Variants in IFTAP observed in about 807,000 individuals in gnomAD.
The protein encoded by IFTAP is intraflagellar transport associated protein.
IFTAP carries 19 observed loss-of-function variants against 19.4 expected under a neutral mutation model. The ratio of observed to expected loss-of-function variants is 0.98; its 90% CI spans 0.68 to 1.44. IFTAP has a LOEUF of 1.44. Ranked by LOEUF, IFTAP falls within the 40% of genes most tolerant of loss-of-function variation. IFTAP has a pLI of 0.00. For synonymous variants in IFTAP, 85 were observed against 83.5 expected (o/e 1.02, Z -0.10); for missense variants, 240 against 253.6 (o/e 0.95, Z 0.36).
rs377350790 is a variant in IFTAP, at chr11:36,648,016, A to T, written c.359A>T (p.Asp120Val). Reference protein sequence around the residue: ...DEEIKPQMSEDLLLLPGEVEQ... With the variant: ...DEEIKPQMSEVLLLLPGEVEQ... ...AGTTGAAATGTTTTGTATCCAACAG[A>T]TTTGCTGCTGCTTCCAGGAGAAGTG... The change falls in exon 5 of 6, where the codon GAT becomes GTT. Residue 120 changes from aspartate (D) to valine (V), a missense_variant and splice_region_variant. Asp to Val is a radical substitution (Grantham distance 152). Coordinates refer to ENST00000334307, the MANE Select transcript of IFTAP (RefSeq NM_138787.4). 2 of 1,612,250 alleles carry T rather than the reference A, an allele frequency of 1.2e-6. No individual in the cohort carries two copies. Among genetic ancestry groups the T allele is most frequent in the Non-Finnish European group, 1.7e-6 (2 of 1,179,082 alleles).
At position 36,658,890 on chromosome 11, in the gene IFTAP, C is replaced by T. The variant is rs192113378; in HGVS notation, c.499-129C>T. On this transcript the variant is annotated intron_variant, in intron 5 of 5. Transcript: ENST00000334307. ...AATTTATTTCTTTACTTAAAAACAG[C>T]TTAATCAGCTGAGAGTGCTGAAGTC... The T allele has an allele frequency of 8.4e-4, 516 of 615,630 alleles. No homozygotes were observed. The African/African-American group carries it at 8.7e-3, about 10-fold the overall frequency. 38.1% of individuals were successfully genotyped at this position (615,630 alleles called of 1,614,324 possible). A position where few individuals can be genotyped will look rare whatever the true frequency, so the allele number is the denominator to read the frequency against.
chr11:36,648,661 G>A (rs546774580), intron 5 of IFTAP, among the ~76,000 whole-genome samples: 1 of 152,274 alleles, frequency 6.6e-6, no homozygotes, highest in Admixed American at 6.5e-5. Context: ...CAGGGACCCA[G>A]GTTCCTTCTT....
rs780141498 is a variant in IFTAP at position 36,659,177 on chromosome 11, C to A, written c.657C>A (p.Ser219=). The A allele has an allele frequency of 6.4e-7, 1 of 1,574,644 alleles. No individual in the cohort carries two copies. The highest frequency in any genetic ancestry group is 8.6e-7 in the Non-Finnish European group (1 of 1,165,046). Residue 219 remains serine, a synonymous_variant, in exon 6 of 6, where the codon TCC becomes TCA. Coordinates refer to ENST00000334307, the MANE Select transcript of IFTAP (RefSeq NM_138787.4). The part of the protein sequence containing the change: ...RKDTSPDLEK[S]CD ...ACACCAGCCCAGACTTAGAGAAATC[C>A]TGTGACTGATTCACAGAGGCATTTT...
At chr11:36,625,520 C>G (rs1393558162) in intron 2 of IFTAP, among the ~76,000 whole-genome samples, 1 of 152,102 alleles carries the variant, frequency 6.6e-6, no homozygotes, top group East Asian at 1.9e-4. Context: ...CTGGTATTCA[C>G]TTGTATGGAT....
intron 2 of IFTAP, among the ~76,000 whole-genome samples, chr11:36,632,223 C>A (rs1360835814): frequency 6.6e-6 from 1 of 151,124 alleles, no homozygotes. Flanking sequence ...TCATGAGATG[C>A]TCACAAAAGA....
intron 1 of IFTAP, among the ~76,000 whole-genome samples, chr11:36,604,151 C>T (rs149079317): frequency 1.3e-5 from 2 of 152,250 alleles, no homozygotes; most frequent in African/African-American, 2.4e-5. Flanking sequence ...CTGCATGGAA[C>T]GCAATTCATC....
intron 2 of IFTAP, among the ~76,000 whole-genome samples, chr11:36,618,645 C>G (rs1280178695): frequency 6.6e-6 from 1 of 151,888 alleles, no homozygotes; most frequent in Non-Finnish European, 1.5e-5. Context: ...TAGGTACAAG[C>G]CTGAGGAACA....
intron 4 of IFTAP, among the ~76,000 whole-genome samples, chr11:36,645,024 T>A (rs1457245522): frequency 6.6e-6 from 1 of 151,468 alleles, no homozygotes. Flanking sequence ...AATAAAGAAG[T>A]GATCTGGACG....
intron 5 of IFTAP, among the ~76,000 whole-genome samples, chr11:36,656,568 T>TA (rs202140471): frequency 3.6e-4 from 54 of 148,200 alleles, no homozygotes; most frequent in Middle Eastern, 3.4e-3. Flanking sequence ...AGTCTCTGTT[T>TA]AAAAAAAAAA....
At chr11:36,622,043 C>A (rs1415615486) in intron 2 of IFTAP, among the ~76,000 whole-genome samples, 2 of 149,238 alleles carry the variant, frequency 1.3e-5, no homozygotes, top group Non-Finnish European at 3.0e-5. Context: ...AGTGGATTTT[C>A]AGACTTTTTC....
intron 5 of IFTAP, among the ~76,000 whole-genome samples, chr11:36,648,704 C>T (rs1317144541): frequency 6.6e-6 from 1 of 152,044 alleles, no homozygotes; most frequent in Non-Finnish European, 1.5e-5. Context: ...GGACATTGTC[C>T]TCACCTGCGT....
At chr11:36,652,018 T>A (rs545695180) in intron 5 of IFTAP, among the ~76,000 whole-genome samples, 75 of 152,344 alleles carry the variant, frequency 4.9e-4, no homozygotes, top group African/African-American at 1.7e-3. Flanking sequence ...TGGCTTAGGA[T>A]TGTCTTGGCA....
intron 2 of IFTAP, among the ~76,000 whole-genome samples, 198 bp from the exon 3 acceptor site, chr11:36,633,086 G>A (rs117243401): frequency 0.012 from 1,819 of 151,288 alleles, 25 homozygotes; most frequent in East Asian, 0.031. Context: ...TATATGTTGA[G>A]TGACATAATG....
At chr11:36,617,635 TG>T (rs773212206) in intron 2 of IFTAP, among the ~76,000 whole-genome samples, 3 of 151,992 alleles carry the variant, frequency 2.0e-5, no homozygotes, top group Non-Finnish European at 4.4e-5. Flanking sequence ...GCTTAAAGTG[TG>T]TTTCTGTTTC....
chr11:36,653,042 T>C (rs904541944), intron 5 of IFTAP, among the ~76,000 whole-genome samples: 1 of 152,080 alleles, frequency 6.6e-6, no homozygotes, highest in Non-Finnish European at 1.5e-5. Flanking sequence ...GAAACTTGTG[T>C]GGTATTTTAA....
chr11:36,608,122 T>G (rs1851758324), intron 1 of IFTAP, among the ~76,000 whole-genome samples: 1 of 152,198 alleles, frequency 6.6e-6, no homozygotes, highest in South Asian at 2.1e-4. Context: ...AAATTAAAGC[T>G]GTAAAGAATA....
chr11:36,594,726 G>A (rs925815482), intron 1 of IFTAP, 134 bp downstream of exon 1: 2 of 158,066 alleles, frequency 1.3e-5, no homozygotes, highest in African/African-American at 4.8e-5. Flanking sequence ...CGCTACCCTG[G>A]TATTGCTGGA....
chr11:36,646,249 T>C (rs1169338493), intron 4 of IFTAP, among the ~76,000 whole-genome samples: 1 of 152,188 alleles, frequency 6.6e-6, no homozygotes, highest in African/African-American at 2.4e-5. Context: ...GATTTTGATT[T>C]CACATTTGAA....
At chr11:36,605,897 T>G (rs1851676611) in intron 1 of IFTAP, among the ~76,000 whole-genome samples, 1 of 152,202 alleles carries the variant, frequency 6.6e-6, no homozygotes, top group Non-Finnish European at 1.5e-5. Flanking sequence ...CTCCCCCTCT[T>G]TTTCTTTTAG....
Sources: gnomAD v4.1 joint callset for allele counts (sites outside exome capture counted in the v4.1 genomes callset) on GRCh38, gnomAD v4.1.1 for gene constraint, MANE v1.5 for transcripts, NCBI Gene and HGNC (gene_info 2026-07-23, HGNC 2026-07-21) for gene names.